The following CADPS2 variants were observed in gnomAD, a reference collection of about 807,000 sequenced individuals.
The protein encoded by CADPS2 is calcium dependent secretion activator 2, also known as calcium-dependent secretion activator 2.
Under a neutral mutation model 172.5 loss-of-function variants are expected in CADPS2, and 93 were observed. That is an observed-to-expected ratio of 0.54 (90% CI 0.46 to 0.64). The LOEUF (loss-of-function observed/expected upper bound fraction) is 0.64. CADPS2 is among the 30% of genes least tolerant of loss of function. The probability of loss-of-function intolerance (pLI) is 0.00; values close to 1 mark genes in which losing one functional copy is unlikely to be tolerated. For missense variants in CADPS2, 1,420 were observed against 1,565.9 expected (o/e 0.91, Z 1.57); for synonymous variants, 546 against 555.2 (o/e 0.98, Z 0.23).
At chr7:122,450,001 C>G (rs903327630) in intron 15 of CADPS2, among the ~76,000 whole-genome samples, 1 of 151,956 alleles carries the variant, frequency 6.6e-6, no homozygotes, top group Non-Finnish European at 1.5e-5. Flanking sequence ...AGATTTTCTC[C>G]TTTCAATATC....
At chr7:122,593,410 G>A (rs773946127) in intron 6 of CADPS2, among the ~76,000 whole-genome samples, 2 of 151,994 alleles carry the variant, frequency 1.3e-5, no homozygotes, top group Non-Finnish European at 2.9e-5. Flanking sequence ...ACCAAGTACA[G>A]ACCCAAGAGA....
At chr7:122,556,144 A>G (rs769632633) in intron 7 of CADPS2, among the ~76,000 whole-genome samples, 2 of 152,130 alleles carry the variant, frequency 1.3e-5, no homozygotes, top group Non-Finnish European at 2.9e-5. Context: ...AATTATGATC[A>G]TACTCTAGAA....
At chr7:122,506,740 A>AC (rs1554582159) in intron 9 of CADPS2, among the ~76,000 whole-genome samples, 21 of 151,892 alleles carry the variant, frequency 1.4e-4, no homozygotes, top group Non-Finnish European at 2.5e-4. Context: ...AAAAAAAAAA[A>AC]AAACAAACAA....
At chr7:122,647,543 G>A (rs1253360203) in intron 3 of CADPS2, among the ~76,000 whole-genome samples, 3 of 152,154 alleles carry the variant, frequency 2.0e-5, no homozygotes. Context: ...GTAATATTCT[G>A]CTAAGATAAC....
At chr7:122,542,687 C>T (rs1422536346) in intron 8 of CADPS2, among the ~76,000 whole-genome samples, 1 of 152,012 alleles carries the variant, frequency 6.6e-6, no homozygotes, top group Non-Finnish European at 1.5e-5. Flanking sequence ...TTACACATTT[C>T]AGGTTCAATC....
chr7:122,736,467 A>G (rs1315337585), intron 2 of CADPS2, among the ~76,000 whole-genome samples: 1 of 152,204 alleles, frequency 6.6e-6, no homozygotes, highest in Non-Finnish European at 1.5e-5. Context: ...AACTCCTATG[A>G]GTCACAAGCT....
intron 6 of CADPS2, among the ~76,000 whole-genome samples, chr7:122,590,772 A>C (rs1384898159): frequency 6.6e-6 from 1 of 151,874 alleles, no homozygotes; most frequent in Admixed American, 6.6e-5. Context: ...TAAGTCAAAA[A>C]TTTTAAATAA....
chr7:122,454,738 T>A (rs1403934942), intron 14 of CADPS2, among the ~76,000 whole-genome samples: 1 of 152,192 alleles, frequency 6.6e-6, no homozygotes, highest in Admixed American at 6.5e-5. Context: ...TGAATGTTTG[T>A]TTAATAGACT....
At chr7:122,453,864 C>T (rs190435909) in intron 14 of CADPS2, among the ~76,000 whole-genome samples, 8 of 152,220 alleles carry the variant, frequency 5.3e-5, no homozygotes, top group Admixed American at 1.3e-4. Flanking sequence ...TGTCAACCTT[C>T]GCTAAGAAAA....
At chr7:122,420,332 G>A (rs556308608) in intron 17 of CADPS2, among the ~76,000 whole-genome samples, 1 of 152,286 alleles carries the variant, frequency 6.6e-6, no homozygotes, top group South Asian at 2.1e-4. Context: ...TACAAACTCT[G>A]AGAGTACCCT....
chr7:122,714,031 G>A (rs2089214010), intron 2 of CADPS2, among the ~76,000 whole-genome samples: 1 of 152,032 alleles, frequency 6.6e-6, no homozygotes, highest in African/African-American at 2.4e-5. Context: ...CAAACTTCAA[G>A]AAGAACATTC....
intron 8 of CADPS2, among the ~76,000 whole-genome samples, chr7:122,543,271 T>A (rs1458800482): frequency 1.3e-5 from 2 of 152,160 alleles, no homozygotes; most frequent in African/African-American, 4.8e-5. Context: ...TTAAACTGTT[T>A]TCAATTTTAC....
At chr7:122,814,479 A>G (rs1322974568) in intron 1 of CADPS2, among the ~76,000 whole-genome samples, 1 of 152,132 alleles carries the variant, frequency 6.6e-6, no homozygotes, top group Non-Finnish European at 1.5e-5. Flanking sequence ...AGCTAAGAAT[A>G]TCTTCACATG....
At chr7:122,335,185 C>T (rs2150866254) in intron 28 of CADPS2, among the ~76,000 whole-genome samples, 1 of 152,334 alleles carries the variant, frequency 6.6e-6, no homozygotes, top group African/African-American at 2.4e-5. Flanking sequence ...GGATATTCTA[C>T]ATGAATAAAC....
chr7:122,449,764 A>G (rs2052797351), intron 15 of CADPS2, among the ~76,000 whole-genome samples: 1 of 152,206 alleles, frequency 6.6e-6, no homozygotes, highest in East Asian at 1.9e-4. Flanking sequence ...TATGCTATCT[A>G]CAACAGTGTT....
rs534238467 is a variant in CADPS2, at chr7:122,392,707, G to C, written c.3008+489C>G. ...AACTTCCTGGTTTTGGCAATGAAAGGGCCTGCAATGATGCAGTACTGTTTT... is the reference window on the plus strand; with the variant it reads ...AACTTCCTGGTTTTGGCAATGAAAGCGCCTGCAATGATGCAGTACTGTTTT... On this transcript the variant is annotated intron_variant, in intron 22 of 29. Coordinates refer to ENST00000449022, the MANE Select transcript of CADPS2 (RefSeq NM_017954.11). Among the ~76,000 whole-genome samples, 82 of 152,088 alleles carry C rather than the reference G, an allele frequency of 5.4e-4. No individual in the cohort carries two copies. In the South Asian group the frequency reaches 7.3e-3, roughly 13 times the overall value.
chr7:122,818,795 T>G (rs1234887104), intron 1 of CADPS2, among the ~76,000 whole-genome samples: 1 of 152,178 alleles, frequency 6.6e-6, no homozygotes, highest in Non-Finnish European at 1.5e-5. Flanking sequence ...TTAATGCTCC[T>G]TTTTCTTTAT....
chr7:122,525,702 T>C (rs1414773155), intron 8 of CADPS2, among the ~76,000 whole-genome samples: 3 of 152,192 alleles, frequency 2.0e-5, no homozygotes, highest in African/African-American at 7.2e-5. Context: ...TAAACCCAGA[T>C]GGTACAGCCT....
chr7:122,701,285 T>C (rs1045527126), intron 2 of CADPS2, among the ~76,000 whole-genome samples: 26 of 152,186 alleles, frequency 1.7e-4, no homozygotes, highest in Non-Finnish European at 2.6e-4. Flanking sequence ...TTCATGTCCT[T>C]TGTAGGGACA....
Sources: allele counts gnomAD v4.1 joint callset (sites outside exome capture counted in the v4.1 genomes callset), GRCh38; gene constraint gnomAD v4.1.1; transcripts MANE v1.5; gene names NCBI Gene and HGNC (gene_info 2026-07-23, HGNC 2026-07-21).